Variants in PITPNM3 observed in about 807,000 individuals in gnomAD.
PITPNM3 encodes PITPNM family member 3.
Under a neutral mutation model 102.0 loss-of-function variants are expected in PITPNM3, and 26 were observed. That is an observed-to-expected ratio of 0.25 (90% CI 0.19 to 0.35). The LOEUF (loss-of-function observed/expected upper bound fraction) is 0.35, where lower values mean the gene tolerates loss of function less well. PITPNM3 is among the 10% of genes least tolerant of loss of function. PITPNM3 has a pLI of 1.00. For synonymous variants in PITPNM3, 578 were observed against 558.6 expected, an observed-to-expected ratio of 1.03 and a Z score of -0.49; for missense variants, 1,083 against 1,346.1, an observed-to-expected ratio of 0.80 and a Z score of 3.06.
chr17:6,513,940 A>G (rs1182350711), intron 3 of PITPNM3, among the ~76,000 whole-genome samples: 3 of 152,252 alleles, frequency 2.0e-5, no homozygotes, highest in Non-Finnish European at 4.4e-5. Flanking sequence ...CCTGAGTGGA[A>G]TAGAACTAGG....
chr17:6,524,268 G>A (rs1398323853), intron 3 of PITPNM3, among the ~76,000 whole-genome samples: 9 of 152,152 alleles, frequency 5.9e-5, no homozygotes, highest in East Asian at 1.9e-4. Flanking sequence ...GCACGACTGC[G>A]AATGACAGGA....
intron 1 of PITPNM3, among the ~76,000 whole-genome samples, chr17:6,540,922 G>A (rs905996558): frequency 6.6e-6 from 1 of 152,202 alleles, no homozygotes. Context: ...GCTTCCCAAA[G>A]TGCTGGGATT....
chr17:6,554,727 AATAGACCTGGCTGTGAGTCC>A (rs144485528), intron 1 of PITPNM3, among the ~76,000 whole-genome samples: 9,981 of 152,222 alleles, frequency 0.066, 745 homozygotes, highest in African/African-American at 0.17. Flanking sequence ...CTTCGAGTCC[AATAGACCTGGCTGTGAGTCC>A]AGGCTCTGCC....
At chr17:6,553,123 G>C (rs772465107) in intron 1 of PITPNM3, among the ~76,000 whole-genome samples, 87 of 151,994 alleles carry the variant, frequency 5.7e-4, no homozygotes, top group Non-Finnish European at 9.9e-4. Context: ...ATCTCCCAGA[G>C]AAACCCAGCC....
chr17:6,498,730 CA>C lies in PITPNM3; in HGVS notation c.274+4796del, dbSNP rs568572734. ...ATTTGATAGTGGATGGTGACAGAGA[CA>C]GAGAAGTCTAGAAGGTTTCTGGCTT... On this transcript the variant is annotated intron_variant, in intron 4 of 19. Transcript: ENST00000262483. Among the ~76,000 whole-genome samples, 19 of 152,184 alleles carry C rather than the reference CA, an allele frequency of 1.2e-4. No individual in the cohort carries two copies. In the South Asian group the frequency reaches 3.5e-3, roughly 28 times the overall value.
chr17:6,483,772 G>T lies in PITPNM3; in HGVS notation c.352-20C>A, dbSNP rs753875456. On this transcript the variant is annotated intron_variant, in intron 5 of 19. Transcript: ENST00000262483. Reference sequence around the variant, plus strand: ...GCCTTCCTGAGAGCCAAGGCGGTTGGAATACAGAGAGAGAGGCGGCTGGGG... The same window carrying T: ...GCCTTCCTGAGAGCCAAGGCGGTTGTAATACAGAGAGAGAGGCGGCTGGGG... 1.2e-6 allele frequency: 2 copies of T among 1,606,374 alleles called. No homozygotes were observed. The highest frequency in any genetic ancestry group is 1.7e-6 in the Non-Finnish European group (2 of 1,178,490).
At chr17:6,553,880 G>C (rs1381889355) in intron 1 of PITPNM3, among the ~76,000 whole-genome samples, 4 of 152,278 alleles carry the variant, frequency 2.6e-5, no homozygotes, top group Non-Finnish European at 4.4e-5. Flanking sequence ...TGTGAAGAAA[G>C]AGATGGGTTC....
At chr17:6,552,332 C>G (rs960632120) in intron 1 of PITPNM3, among the ~76,000 whole-genome samples, 2 of 152,120 alleles carry the variant, frequency 1.3e-5, no homozygotes, top group African/African-American at 4.8e-5. Context: ...CCCTCATTCT[C>G]TCAGTGGGAG....
chr17:6,476,982 T>A (rs780538396), intron 9 of PITPNM3, 47 bp downstream of exon 9: 4 of 1,602,368 alleles, frequency 2.5e-6, no homozygotes, highest in Middle Eastern at 3.7e-4. Flanking sequence ...GCCCTCCCAG[T>A]TGGCTCTGAG....
In PITPNM3 at chr17:6,556,187, C is replaced by CGGGGGCGCAGGAAGGACG; in HGVS notation, c.22+180_22+197dup. 6.6e-6 allele frequency among the ~76,000 whole-genome samples: 1 copy of CGGGGGCGCAGGAAGGACG among 151,694 alleles called. No individual in the cohort carries two copies. Among genetic ancestry groups the CGGGGGCGCAGGAAGGACG allele is most frequent in the Non-Finnish European group, 1.5e-5 (1 of 67,850 alleles). ...GGGACGCGGTGTCCCCCGAGGTGAC[C>CGGGGGCGCAGGAAGGACG]GGGGGCGCAGGAAGGACGGGGGGCG... On this transcript the variant is annotated intron_variant, in intron 1 of 19. Coordinates refer to ENST00000262483, the MANE Select transcript of PITPNM3 (RefSeq NM_031220.4). This position sits in a 1 kb window ranked among gnomAD's most constrained non-coding sequence, Gnocchi z 5.2.
chr17:6,504,569 G>C (rs999909244), intron 3 of PITPNM3, among the ~76,000 whole-genome samples: 1 of 152,166 alleles, frequency 6.6e-6, no homozygotes, highest in Admixed American at 6.5e-5. Context: ...GCTGGAATCT[G>C]GAGGCTGACT....
chr17:6,552,901 G>C (rs113769140), intron 1 of PITPNM3, among the ~76,000 whole-genome samples: 2,684 of 151,918 alleles, frequency 0.018, 33 homozygotes, highest in Non-Finnish European at 0.029. Flanking sequence ...CAAGAAGCTG[G>C]GACTACAGGC....
Position 6,461,466 on chromosome 17 carries a change from G to C in PITPNM3, c.2397C>G (p.His799Gln). The C allele has an allele frequency of 6.2e-7, 1 of 1,614,214 alleles. No individual in the cohort carries two copies. Among genetic ancestry groups the C allele is most frequent in the African/African-American group, 1.3e-5 (1 of 75,076 alleles). The change falls in exon 18 of 20, where the codon CAC becomes CAG. Residue 799 changes from histidine (H) to glutamine (Q), a missense_variant. Transcript: ENST00000262483. ...AGAAGATCATGCCCTGTGGGAAGTT[G>C]TGCTGGGACAGCCACGACACCACCC... ...KQRVVSWLSQ[H>Q]NFPQGMIFFS...
intron 3 of PITPNM3, chr17:6,521,503 A>G (rs996424362): frequency 3.9e-5 from 6 of 152,114 alleles, no homozygotes; most frequent in Non-Finnish European, 8.8e-5. Flanking sequence ...AAGACAAACA[A>G]TTGCAAAAAT....
intron 1 of PITPNM3, among the ~76,000 whole-genome samples, chr17:6,548,470 G>A (rs1910143725): frequency 6.6e-6 from 1 of 152,148 alleles, no homozygotes; most frequent in African/African-American, 2.4e-5. Flanking sequence ...GCTCGGCTGG[G>A]ACTAGCCTCA....
At chr17:6,474,345 C>A in intron 10 of PITPNM3, 87 bp downstream of exon 10, 1 of 1,515,672 alleles carries the variant, frequency 6.6e-7, no homozygotes, top group Non-Finnish European at 9.0e-7. Flanking sequence ...CCCCTGTCCC[C>A]GACTTCACTC....
At chr17:6,485,946 A>C (rs1906066620) in intron 4 of PITPNM3, among the ~76,000 whole-genome samples, 2 of 152,232 alleles carry the variant, frequency 1.3e-5, no homozygotes, top group African/African-American at 2.4e-5. Context: ...GAGCAGTTGC[A>C]GCAGACACCT....
Position 6,470,122 on chromosome 17 carries a change from C to T in PITPNM3, c.1773+138G>A. 1 of 1,019,684 alleles carries T rather than the reference C, an allele frequency of 9.8e-7. No homozygotes were observed. The highest frequency in any genetic ancestry group is 1.5e-6 in the Non-Finnish European group (1 of 681,604). 63.2% of individuals were successfully genotyped at this position (1,019,684 alleles called of 1,614,324 possible). A position where few individuals can be genotyped will look rare whatever the true frequency, so the allele number is the denominator to read the frequency against. On this transcript the variant is annotated intron_variant, in intron 13 of 19. Transcript: ENST00000262483. This position sits in a 1 kb window ranked among gnomAD's most constrained non-coding sequence, Gnocchi z 4.8. ...GTCACTCCCCACTCACGTAGGTGCTCCAATGCCTTCCTCATGCTCTTAGGA... is the reference window on the plus strand; with the variant it reads ...GTCACTCCCCACTCACGTAGGTGCTTCAATGCCTTCCTCATGCTCTTAGGA...
At chr17:6,483,780 A>G in intron 5 of PITPNM3, 28 bp from the exon 6 acceptor site, 1 of 1,602,246 alleles carries the variant, frequency 6.2e-7, no homozygotes, top group Non-Finnish European at 8.5e-7. Flanking sequence ...TGGAATACAG[A>G]GAGAGAGGCG....
Sources: gnomAD v4.1 joint callset for allele counts (sites outside exome capture counted in the v4.1 genomes callset) on GRCh38, gnomAD v4.1.1 for gene constraint, Gnocchi (gnomAD v3.1) non-coding constraint, MANE v1.5 for transcripts, NCBI Gene and HGNC (gene_info 2026-07-23, HGNC 2026-07-21) for gene names.